SLC24A2: variants seen among roughly 807,000 people sequenced by gnomAD.
The protein encoded by SLC24A2 is sodium/potassium/calcium exchanger 2.
Under a neutral mutation model 62.0 loss-of-function variants are expected in SLC24A2, and 36 were observed. The ratio of observed to expected loss-of-function variants is 0.58; its 90% CI spans 0.44 to 0.77. SLC24A2 has a LOEUF of 0.77. Ranked by LOEUF, SLC24A2 falls within the 30% of genes least tolerant of loss-of-function variation. SLC24A2 has a pLI of 0.00. For synonymous variants in SLC24A2, 358 were observed against 294.0 expected, an observed-to-expected ratio of 1.22 and a Z score of -2.23; for missense variants, 846 against 817.9, an observed-to-expected ratio of 1.03 and a Z score of -0.42.
rs997972382 is a variant in SLC24A2, at chr9:19,721,854, T to C, written c.930+64083A>G. ...TGTTTGTGTATTGATAGAGAAAACG[T>C]TGTCATTATTCTTCACATAACTGAA... On this transcript the variant is annotated intron_variant, in intron 2 of 10. Transcript: ENST00000341998. Among the ~76,000 whole-genome samples the C allele has an allele frequency of 3.3e-5, 5 of 152,192 alleles. No individual in the cohort carries two copies. The South Asian group carries it at 6.2e-4, about 19-fold the overall frequency.
chr9:20,243,800 G>T, the SLC24A2 span, among the ~76,000 whole-genome samples: 1 of 152,330 alleles, frequency 6.6e-6, no homozygotes, highest in South Asian at 2.1e-4. Context: ...CCTTCCAGTA[G>T]CTTGCCTCCT....
Position 19,508,824 on chromosome 9 carries a change from T to C in SLC24A2, c.*7329A>G, listed in dbSNP as rs185111774. 10 of 152,178 alleles carry C rather than the reference T, an allele frequency of 6.6e-5. No homozygotes were observed. The highest frequency in any genetic ancestry group is 6.5e-4 in the Admixed American group (10 of 15,284). 9.4% of individuals were successfully genotyped at this position (152,178 alleles called of 1,614,324 possible). On this transcript the variant is annotated 3_prime_UTR_variant, in exon 11 of 11. Coordinates refer to ENST00000341998, the MANE Select transcript of SLC24A2 (RefSeq NM_020344.4). Reference sequence around the variant, plus strand: ...AAAAAAATTATATAAAAATTTGTGATGAAGTTGAAACATTAAAGTTTTTAG... The same window carrying C: ...AAAAAAATTATATAAAAATTTGTGACGAAGTTGAAACATTAAAGTTTTTAG...
the SLC24A2 span, among the ~76,000 whole-genome samples, chr9:20,220,320 A>C: frequency 6.6e-6 from 1 of 152,124 alleles, no homozygotes; most frequent in Non-Finnish European, 1.5e-5. Flanking sequence ...TTGGTGGAAA[A>C]GTAATACCTT....
the SLC24A2 span, among the ~76,000 whole-genome samples, chr9:19,999,855 G>T: frequency 6.6e-6 from 1 of 152,148 alleles, no homozygotes; most frequent in Admixed American, 6.6e-5. Flanking sequence ...AGTCTAGAAG[G>T]GGCCTGTTTT....
At chr9:19,794,839 C>T in the SLC24A2 span, among the ~76,000 whole-genome samples, 2 of 151,674 alleles carry the variant, frequency 1.3e-5, no homozygotes, top group East Asian at 1.9e-4. Context: ...ACAGCCCACT[C>T]GGAAAGCAAG....
the SLC24A2 span, among the ~76,000 whole-genome samples, chr9:20,295,133 C>A: frequency 6.6e-6 from 1 of 151,720 alleles, no homozygotes; most frequent in African/African-American, 2.4e-5. Context: ...ATGCCACAAT[C>A]CAGAATGTCA....
the SLC24A2 span, among the ~76,000 whole-genome samples, chr9:20,120,024 C>A: frequency 3.3e-5 from 5 of 152,114 alleles, no homozygotes; most frequent in African/African-American, 1.2e-4. Flanking sequence ...AATCTGTTCC[C>A]CTGACTACTC....
At chr9:19,557,411 G>T (rs563643648) in intron 7 of SLC24A2, among the ~76,000 whole-genome samples, 10 of 152,292 alleles carry the variant, frequency 6.6e-5, no homozygotes, top group African/African-American at 2.4e-4. Flanking sequence ...AGCCGAAGGC[G>T]GTGGTTCTTA....
At chr9:19,908,225 G>C in the SLC24A2 span, among the ~76,000 whole-genome samples, 122 of 152,240 alleles carry the variant, frequency 8.0e-4, no homozygotes, top group African/African-American at 2.9e-3. Flanking sequence ...ACAAAAACAA[G>C]CAATGGGGAA....
chr9:20,242,015 T>A, the SLC24A2 span, among the ~76,000 whole-genome samples: 1 of 152,222 alleles, frequency 6.6e-6, no homozygotes. Flanking sequence ...CCAGCCTCAT[T>A]CACCGAAAGC....
At chr9:19,698,924 G>C (rs1820276560) in intron 2 of SLC24A2, among the ~76,000 whole-genome samples, 1 of 152,196 alleles carries the variant, frequency 6.6e-6, no homozygotes. Context: ...AGAGAGGTGA[G>C]AGAACTTGTC....
At chr9:19,851,031 T>A in the SLC24A2 span, among the ~76,000 whole-genome samples, 3 of 102,404 alleles carry the variant, frequency 2.9e-5, no homozygotes, top group Non-Finnish European at 4.0e-5. Flanking sequence ...ATACATATTT[T>A]TTTTTTTTTT....
chr9:19,771,558 CTTA>C (rs992102654), intron 2 of SLC24A2, among the ~76,000 whole-genome samples: 5 of 152,150 alleles, frequency 3.3e-5, no homozygotes, highest in African/African-American at 1.2e-4. Flanking sequence ...AAATCTGCCT[CTTA>C]TTATAAGTCA....
At chr9:20,120,860 G>A in the SLC24A2 span, among the ~76,000 whole-genome samples, 46 of 151,824 alleles carry the variant, frequency 3.0e-4, no homozygotes, top group African/African-American at 1.0e-3. Flanking sequence ...AATTGACCCA[G>A]ATCCATTTAT....
the SLC24A2 span, among the ~76,000 whole-genome samples, chr9:20,202,547 G>T: frequency 1.3e-5 from 2 of 152,142 alleles, no homozygotes; most frequent in African/African-American, 4.8e-5. Flanking sequence ...GTGGGTTTCA[G>T]GGAGTGGAGA....
the SLC24A2 span, among the ~76,000 whole-genome samples, chr9:19,972,027 C>G: frequency 2.0e-5 from 3 of 152,144 alleles, no homozygotes; most frequent in South Asian, 6.2e-4. Context: ...CTCAAGAACT[C>G]TATTCTAAAG....
chr9:19,524,717 T>G (rs1563931334), intron 9 of SLC24A2, among the ~76,000 whole-genome samples: 1 of 152,202 alleles, frequency 6.6e-6, no homozygotes, highest in Non-Finnish European at 1.5e-5. Flanking sequence ...AAGTAAGGCT[T>G]CCATTTATGG....
intron 7 of SLC24A2, 133 bp downstream of exon 7, chr9:19,573,218 G>A (rs955576785): frequency 4.5e-6 from 3 of 660,868 alleles, no homozygotes; most frequent in Non-Finnish European, 8.3e-6. Flanking sequence ...TACACACAAG[G>A]ATGTATAAGG....
rs79543384 is a variant in SLC24A2, at chr9:19,789,031, G to A, written c.-300C>T. On this transcript the variant is annotated 5_prime_UTR_variant, in exon 1 of 11. Transcript: ENST00000341998. ...CTCGCCAGCCGGGCTGGGTTCGGGAGGAGACTGAGCCGCTGTGAGCCCGGC... is the reference window on the plus strand; with the variant it reads ...CTCGCCAGCCGGGCTGGGTTCGGGAAGAGACTGAGCCGCTGTGAGCCCGGC... 0.26 allele frequency: 217,907 copies of A among 845,060 alleles called. 29,814 individuals are homozygous for A. The highest frequency in any genetic ancestry group is 0.28 in the Non-Finnish European group (195,869 of 702,016). The allele number at this position is 845,060 out of a possible 1,614,324, so 52.3% of individuals were successfully genotyped here. A position where few individuals can be genotyped will look rare whatever the true frequency, so the allele number is the denominator to read the frequency against.
Sources: allele counts gnomAD v4.1 joint callset (sites outside exome capture counted in the v4.1 genomes callset), GRCh38; gene constraint gnomAD v4.1.1; transcripts MANE v1.5; gene names NCBI Gene and HGNC (gene_info 2026-07-23, HGNC 2026-07-21).